DYRK1A: variants seen among roughly 807,000 people sequenced by gnomAD.
DYRK1A encodes the protein dual specificity tyrosine-phosphorylation-regulated kinase 1A.
Under a neutral mutation model 79.7 loss-of-function variants are expected in DYRK1A, and 9 were observed. That is an observed-to-expected ratio of 0.11 (90% CI 0.07 to 0.20). DYRK1A has a LOEUF of 0.20. Ranked by LOEUF, DYRK1A falls within the 10% of genes least tolerant of loss-of-function variation. DYRK1A has a pLI of 1.00. For missense variants in DYRK1A, 622 were observed against 956.0 expected (o/e 0.65, Z 4.61); for synonymous variants, 349 against 329.7 (o/e 1.06, Z -0.63).
intron 1 of DYRK1A, among the ~76,000 whole-genome samples, chr21:37,397,967 G>A (rs2049985422): frequency 6.6e-6 from 1 of 151,746 alleles, no homozygotes; most frequent in Admixed American, 6.6e-5. Flanking sequence ...ACTGGGCACA[G>A]TGGCTCACAC....
At chr21:37,484,436 C>A (rs1601245540) in intron 5 of DYRK1A, among the ~76,000 whole-genome samples, 1 of 149,716 alleles carries the variant, frequency 6.7e-6, no homozygotes, top group Non-Finnish European at 1.5e-5. Context: ...TCAGGTGATT[C>A]TCCTGCCTCA....
intron 2 of DYRK1A, among the ~76,000 whole-genome samples, chr21:37,425,393 A>G (rs1007970089): frequency 6.6e-6 from 1 of 152,062 alleles, no homozygotes; most frequent in Non-Finnish European, 1.5e-5. Flanking sequence ...TTTATGTTTC[A>G]TAGTTTTATT....
intron 2 of DYRK1A, among the ~76,000 whole-genome samples, chr21:37,451,400 C>T (rs1218417878): frequency 7.7e-6 from 1 of 129,082 alleles, no homozygotes; most frequent in Non-Finnish European, 1.6e-5. Context: ...TTGCAACTTC[C>T]AGTCCTGCAA....
At chr21:37,446,362 G>A (rs2051270676) in intron 2 of DYRK1A, among the ~76,000 whole-genome samples, 1 of 152,056 alleles carries the variant, frequency 6.6e-6, no homozygotes, top group Non-Finnish European at 1.5e-5. Flanking sequence ...ATACTGTAGT[G>A]GATGCAACTC....
chr21:37,416,027 T>C (rs1481191684), intron 1 of DYRK1A, among the ~76,000 whole-genome samples: 1 of 152,150 alleles, frequency 6.6e-6, no homozygotes, highest in Non-Finnish European at 1.5e-5. Context: ...TCAGTGATTC[T>C]TAATGAGTGG....
chr21:37,465,317 C>T (rs2051988572), intron 2 of DYRK1A, among the ~76,000 whole-genome samples: 1 of 152,058 alleles, frequency 6.6e-6, no homozygotes, highest in Non-Finnish European at 1.5e-5. Context: ...AGCATATCAC[C>T]GTTATGCATG....
At chr21:37,511,774 T>A (rs558146083) in intron 11 of DYRK1A, 137 bp from the exon 12 acceptor site, 2 of 1,046,754 alleles carry the variant, frequency 1.9e-6, no homozygotes, top group South Asian at 3.4e-5. Context: ...TAAAACTGTC[T>A]TAACACATTA....
intron 1 of DYRK1A, among the ~76,000 whole-genome samples, chr21:37,382,962 A>G (rs1602372617): frequency 6.6e-6 from 1 of 152,210 alleles, no homozygotes; most frequent in Non-Finnish European, 1.5e-5. Flanking sequence ...TGGATTATAA[A>G]CAAGATAATC....
At chr21:37,505,646 G>A (rs937935499) in intron 10 of DYRK1A, 57 bp downstream of exon 10, 108 of 1,493,880 alleles carry the variant, frequency 7.2e-5, no homozygotes, top group Non-Finnish European at 9.4e-5. Flanking sequence ...TCTTTATGAA[G>A]TGGGATTATT....
chr21:37,391,257 C>G (rs959577007), intron 1 of DYRK1A, among the ~76,000 whole-genome samples: 1 of 152,174 alleles, frequency 6.6e-6, no homozygotes, highest in Non-Finnish European at 1.5e-5. Flanking sequence ...TGTGCATGTC[C>G]TGAGCCTCCT....
chr21:37,420,485 G>T (rs965197719), intron 2 of DYRK1A, 101 bp downstream of exon 2: 5 of 997,008 alleles, frequency 5.0e-6, no homozygotes, highest in East Asian at 2.4e-5. Context: ...AGCAGTTAGT[G>T]GGGGGAATTG....
intron 2 of DYRK1A, among the ~76,000 whole-genome samples, chr21:37,460,147 A>G (rs2148524083): frequency 6.6e-6 from 1 of 151,900 alleles, no homozygotes; most frequent in Non-Finnish European, 1.5e-5. Flanking sequence ...TTAATGTTTC[A>G]AAAGATTTTT....
intron 11 of DYRK1A, among the ~76,000 whole-genome samples, chr21:37,508,750 A>G (rs1291679302): frequency 6.6e-6 from 1 of 152,042 alleles, no homozygotes; most frequent in Non-Finnish European, 1.5e-5. Flanking sequence ...CACTTTGTGT[A>G]ATATGCCACA....
chr21:37,466,727 C>G (rs576303563), intron 2 of DYRK1A, among the ~76,000 whole-genome samples: 107 of 152,114 alleles, frequency 7.0e-4, no homozygotes, highest in African/African-American at 2.4e-3. Flanking sequence ...TTTGTATTAT[C>G]CAGTATAACA....
intron 1 of DYRK1A, among the ~76,000 whole-genome samples, chr21:37,406,754 T>TCTCATA (rs56111025): frequency 3.4e-5 from 5 of 147,116 alleles, no homozygotes; most frequent in Admixed American, 3.4e-4. Flanking sequence ...TATCTCTATA[T>TCTCATA]ATCTATATAT....
intron 2 of DYRK1A, among the ~76,000 whole-genome samples, chr21:37,466,782 G>C (rs897982991): frequency 3.3e-5 from 5 of 151,858 alleles, no homozygotes; most frequent in African/African-American, 9.7e-5. Flanking sequence ...GTAACTGATA[G>C]AACAAGATGA....
chr21:37,476,818 T>C (rs1161964735), intron 3 of DYRK1A, among the ~76,000 whole-genome samples: 15 of 78,184 alleles, frequency 1.9e-4, no homozygotes, highest in South Asian at 4.1e-4. Context: ...CACCAAGGGT[T>C]CCCCCCCCCC....
At position 37,525,916 on chromosome 21, in the gene DYRK1A, T is replaced by C. The variant is rs1301823329; in HGVS notation, c.*13385T>C. On this transcript the variant is annotated 3_prime_UTR_variant, in exon 12 of 12. Coordinates refer to ENST00000647188, the MANE Select transcript of DYRK1A (RefSeq NM_001347721.2). ...GCCCCGAACCACCGTTACTAAACACTGAATAGTTTTGGAAATTCACTTTTG... is the reference window on the plus strand; with the variant it reads ...GCCCCGAACCACCGTTACTAAACACCGAATAGTTTTGGAAATTCACTTTTG... 2 of 152,248 alleles carry C rather than the reference T, an allele frequency of 1.3e-5. No individual in the cohort carries two copies. The highest frequency in any genetic ancestry group is 4.8e-5 in the African/African-American group (2 of 41,468). The allele number at this position is 152,248 out of a possible 1,614,324, so 9.4% of individuals were successfully genotyped here.
At chr21:37,457,028 ACTTACTTAC>A (rs1569339478) in intron 2 of DYRK1A, among the ~76,000 whole-genome samples, 43 of 77,870 alleles carry the variant, frequency 5.5e-4, no homozygotes, top group African/African-American at 2.2e-3. Context: ...TTACTTACTT[ACTTACTTAC>A]TTATTTATTT....
Sources: allele counts gnomAD v4.1 joint callset (sites outside exome capture counted in the v4.1 genomes callset), GRCh38; gene constraint gnomAD v4.1.1; transcripts MANE v1.5; gene names NCBI Gene and HGNC (gene_info 2026-07-23, HGNC 2026-07-21).